The following CCDC148 variants were observed in gnomAD, a reference collection of about 807,000 sequenced individuals.
CCDC148 encodes the protein coiled-coil domain-containing protein 148.
A neutral mutation model predicts 85.7 loss-of-function variants in CCDC148; 89 were observed. That is an observed-to-expected ratio of 1.04 (90% CI 0.87 to 1.24). CCDC148 has a LOEUF of 1.24. Ranked by LOEUF, CCDC148 falls within the 50% of genes most tolerant of loss-of-function variation. The probability of loss-of-function intolerance (pLI) is 0.00; values close to 1 mark genes in which losing one functional copy is unlikely to be tolerated. For synonymous variants in CCDC148, 230 were observed against 213.9 expected (o/e 1.08, Z -0.66); for missense variants, 692 against 671.7 (o/e 1.03, Z -0.33).
At chr2:158,431,395 A>G (rs954912865) in intron 1 of CCDC148, among the ~76,000 whole-genome samples, 3 of 151,998 alleles carry the variant, frequency 2.0e-5, no homozygotes, top group Non-Finnish European at 2.9e-5. Flanking sequence ...GAATGATCAC[A>G]GACTTCACAG....
At chr2:158,327,327 A>G (rs746783688) in intron 7 of CCDC148, among the ~76,000 whole-genome samples, 5 of 152,198 alleles carry the variant, frequency 3.3e-5, no homozygotes, top group African/African-American at 7.2e-5. Context: ...TTAGTTGCAG[A>G]TGATAAAAAC....
intron 7 of CCDC148, among the ~76,000 whole-genome samples, chr2:158,326,190 T>C (rs932012071): frequency 2.0e-5 from 3 of 152,184 alleles, no homozygotes; most frequent in African/African-American, 7.2e-5. Flanking sequence ...TTGCCAGGCA[T>C]ACTCCCGCCT....
At chr2:158,360,952 A>T (rs1574693178) in intron 1 of CCDC148, among the ~76,000 whole-genome samples, 1 of 152,152 alleles carries the variant, frequency 6.6e-6, no homozygotes, top group Non-Finnish European at 1.5e-5. Context: ...ACTGCTAACT[A>T]GAATAACCAG....
chr2:158,289,803 A>G (rs1690802782), intron 9 of CCDC148, among the ~76,000 whole-genome samples: 2 of 152,232 alleles, frequency 1.3e-5, no homozygotes, highest in African/African-American at 4.8e-5. Flanking sequence ...AAGTAGAGAT[A>G]ACCCAAATGT....
chr2:158,406,629 T>TTTTTTTTTTTTTTGTTTTTG (rs1686031138), intron 1 of CCDC148, among the ~76,000 whole-genome samples: 1 of 117,490 alleles, frequency 8.5e-6, no homozygotes, highest in Admixed American at 9.7e-5. Context: ...TTTTTTTTTT[T>TTTTTTTTTTTTTTGTTTTTG]TTTTTTTTTT....
At chr2:158,442,357 G>A (rs562949179) in intron 1 of CCDC148, among the ~76,000 whole-genome samples, 3 of 152,182 alleles carry the variant, frequency 2.0e-5, no homozygotes, top group African/African-American at 4.8e-5. Context: ...TAGGCCTGTC[G>A]AAAGGACAAT....
intron 9 of CCDC148, among the ~76,000 whole-genome samples, chr2:158,254,016 T>C (rs996530698): frequency 8.6e-5 from 13 of 151,770 alleles, no homozygotes; most frequent in South Asian, 2.1e-4. Flanking sequence ...TGCAACAGTA[T>C]ATGGGAACAC....
chr2:158,365,654 C>T (rs1040851502), intron 1 of CCDC148, among the ~76,000 whole-genome samples: 1 of 151,782 alleles, frequency 6.6e-6, no homozygotes, highest in Non-Finnish European at 1.5e-5. Flanking sequence ...TGGGGCCTGT[C>T]GGGGGGTGGA....
chr2:158,340,762 GTC>G, intron 3 of CCDC148, 82 bp from the exon 4 acceptor site: 1 of 791,436 alleles, frequency 1.3e-6, no homozygotes. Context: ...GAGATATTTA[GTC>G]TAATATGGCT....
intron 11 of CCDC148, among the ~76,000 whole-genome samples, chr2:158,213,952 G>A (rs1259703718): frequency 1.3e-5 from 2 of 152,026 alleles, no homozygotes; most frequent in Non-Finnish European, 2.9e-5. Context: ...ACTACTGCAT[G>A]CGAAAGAGAG....
Position 158,358,548 on chromosome 2 carries a change from T to C in CCDC148, c.48A>G (p.Lys16=), listed in dbSNP as rs1683777411. The stretch of plus-strand genomic sequence containing the variant: ...TGTACTTGATGTTTCTCATCTCATT[T>C]TTCATATGGAATACCAGATTATCTA... ...ASPDNLVFHM[K]NEMRNIKYKP... The change falls in exon 2 of 14, where the codon AAA becomes AAG. Residue 16 remains lysine (K), a synonymous_variant. Transcript: ENST00000283233. 2 of 1,587,370 alleles carry C rather than the reference T, an allele frequency of 1.3e-6. No homozygotes were observed. The highest frequency in any genetic ancestry group is 1.7e-6 in the Non-Finnish European group (2 of 1,166,724).
intron 9 of CCDC148, among the ~76,000 whole-genome samples, chr2:158,293,309 T>C (rs185212175): frequency 9.2e-5 from 14 of 152,332 alleles, no homozygotes; most frequent in African/African-American, 3.1e-4. Flanking sequence ...TATACCCTCA[T>C]AGGAGCCAAC....
intron 1 of CCDC148, among the ~76,000 whole-genome samples, chr2:158,361,664 C>T (rs1683952339): frequency 6.6e-6 from 1 of 152,078 alleles, no homozygotes; most frequent in South Asian, 2.1e-4. Context: ...TACAAGAGCT[C>T]CTGAAGGAAG....
chr2:158,256,121 T>A (rs1689000149), intron 9 of CCDC148, among the ~76,000 whole-genome samples: 1 of 151,756 alleles, frequency 6.6e-6, no homozygotes, highest in African/African-American at 2.4e-5. Context: ...AAGGTAATGA[T>A]TGAAATTAAC....
At chr2:158,442,214 T>C (rs1479737431) in intron 1 of CCDC148, among the ~76,000 whole-genome samples, 2 of 152,194 alleles carry the variant, frequency 1.3e-5, no homozygotes, top group South Asian at 2.1e-4. Context: ...GCTAAATCTA[T>C]TTTGCGGTTT....
At chr2:158,199,225 G>A (rs1685826654) in intron 11 of CCDC148, among the ~76,000 whole-genome samples, 1 of 151,958 alleles carries the variant, frequency 6.6e-6, no homozygotes, top group South Asian at 2.1e-4. Context: ...TTTTGATATT[G>A]CTTTTTTAAA....
chr2:158,415,200 G>T (rs1686441267), intron 1 of CCDC148, among the ~76,000 whole-genome samples: 1 of 151,902 alleles, frequency 6.6e-6, no homozygotes, highest in African/African-American at 2.4e-5. Flanking sequence ...CATGGCTAGG[G>T]AGGCCTCAAC....
At chr2:158,257,987 CT>C (rs1333937554) in intron 9 of CCDC148, among the ~76,000 whole-genome samples, 1 of 151,808 alleles carries the variant, frequency 6.6e-6, no homozygotes, top group Non-Finnish European at 1.5e-5. Context: ...TGCTTCTTGG[CT>C]GTGAGATCTT....
chr2:158,397,907 A>G (rs1326727170), intron 1 of CCDC148, among the ~76,000 whole-genome samples: 1 of 152,210 alleles, frequency 6.6e-6, no homozygotes, highest in Non-Finnish European at 1.5e-5. Context: ...AAAGACACAC[A>G]TAGGCTCAAA....
Sources: allele counts gnomAD v4.1 joint callset (sites outside exome capture counted in the v4.1 genomes callset), GRCh38; gene constraint gnomAD v4.1.1; transcripts MANE v1.5; gene names NCBI Gene and HGNC (gene_info 2026-07-23, HGNC 2026-07-21).